Variants in UNG observed in about 807,000 individuals in gnomAD.
UNG encodes the protein uracil-DNA glycosylase.
UNG carries 34 observed loss-of-function variants against 36.5 expected under a neutral mutation model. The observed-to-expected ratio is 0.93, with a 90% CI of 0.71 to 1.24. The LOEUF (loss-of-function observed/expected upper bound fraction) is 1.24, where lower values mean the gene tolerates loss of function less well. Among genes scored for constraint, UNG ranks in the 50% most tolerant of loss-of-function variants. The pLI is 0.00. For missense variants in UNG, 391 were observed against 397.6 expected (o/e 0.98, Z 0.14); for synonymous variants, 172 against 157.8 (o/e 1.09, Z -0.67).
At chr12:109,099,063 G>A in intron 2 of UNG, 126 bp from the exon 3 acceptor site, 1 of 984,942 alleles carries the variant, frequency 1.0e-6, no homozygotes. Context: ...TTTTTTAAAA[G>A]AATTTGGACA....
intron 5 of UNG, 32 bp from the exon 6 acceptor site, chr12:109,103,401 C>G (rs780012359): frequency 4.3e-6 from 7 of 1,610,894 alleles, no homozygotes; most frequent in Non-Finnish European, 5.9e-6. Flanking sequence ...TTGCCTGAGC[C>G]TACATTTAAC....
intron 4 of UNG, 129 bp downstream of exon 4, chr12:109,102,128 C>T: frequency 1.2e-6 from 1 of 820,438 alleles, no homozygotes; most frequent in South Asian, 1.4e-5. Flanking sequence ...GGCCTCAGCA[C>T]CATTGACATT....
At position 109,098,590 on chromosome 12, in the gene UNG, C is replaced by T. The variant is rs3219210; in HGVS notation, c.291C>T (p.Ser97=). Residue 97 remains serine, a synonymous_variant, in exon 2 of 7, where the codon AGC becomes AGT. Transcript: ENST00000242576. ...ACGTGCCCGTGGGCTTTGGAGAGAG[C>T]TGGAAGAAGCACCTCAGCGGGGAGT... ...ARNVPVGFGE[S]WKKHLSGEFG... 1,965 of 1,613,492 alleles carry T rather than the reference C, an allele frequency of 1.2e-3. 30 individuals carry two copies. In the African/African-American group the frequency reaches 0.021, roughly 17 times the overall value.
intron 3 of UNG, 166 bp downstream of exon 3, chr12:109,099,450 T>G (rs921576392): frequency 4.9e-5 from 32 of 657,090 alleles, no homozygotes; most frequent in Non-Finnish European, 7.8e-5. Context: ...CTCTTTTTAA[T>G]GTTTACCACG....
rs1316835916 is a variant in UNG at position 109,097,799 on chromosome 12, C to T, written c.120C>T (p.Ser40=). The part of the protein sequence containing the change: ...GTGVAGVPEE[S]GDAAAIPAKK... ...GCGTGGCTGGGGTGCCTGAGGAAAGCGGAGATGCGGCGGTGAGGCGCGGCT... is the reference window on the plus strand; with the variant it reads ...GCGTGGCTGGGGTGCCTGAGGAAAGTGGAGATGCGGCGGTGAGGCGCGGCT... Residue 40 remains serine (S), a synonymous_variant, in exon 1 of 7, where the codon AGC becomes AGT. Transcript: ENST00000242576. 5.8e-6 allele frequency: 9 copies of T among 1,548,078 alleles called. No individual in the cohort carries two copies. Among genetic ancestry groups the T allele is most frequent in the South Asian group, 3.5e-5 (3 of 84,580 alleles).
rs759015669 is a variant in UNG at position 109,103,631 on chromosome 12, T to C, written c.801+20T>C. The C allele has an allele frequency of 7.5e-7, 1 of 1,330,040 alleles. No homozygotes were observed. Among genetic ancestry groups the C allele is most frequent in the Non-Finnish European group, 1.0e-6 (1 of 964,930 alleles). 82.4% of individuals were successfully genotyped at this position (1,330,040 alleles called of 1,614,324 possible). On this transcript the variant is annotated intron_variant, in intron 6 of 6. Transcript: ENST00000242576. ...GATAGGGTATGTTTTGTTTTCTTTCTTTTTTTTCTTTTTTTTTTAACACTA... is the reference window on the plus strand; with the variant it reads ...GATAGGGTATGTTTTGTTTTCTTTCCTTTTTTTCTTTTTTTTTTAACACTA...
chr12:109,098,094 C>G, intron 1 of UNG: 1 of 1,385,052 alleles, frequency 7.2e-7, no homozygotes, highest in Non-Finnish European at 9.3e-7. Context: ...GGGGGCGGGA[C>G]CCAGAGGGAG....
chr12:109,109,115 T>C (rs3219266), intron 6 of UNG, among the ~76,000 whole-genome samples: 7,721 of 152,240 alleles, frequency 0.051, 676 homozygotes, highest in African/African-American at 0.18. Context: ...TATCTTCAAC[T>C]TAGGATATTT....
intron 6 of UNG, among the ~76,000 whole-genome samples, chr12:109,108,059 A>G (rs2042230829): frequency 6.6e-6 from 1 of 152,184 alleles, no homozygotes; most frequent in South Asian, 2.1e-4. Context: ...TTTGGAGGTC[A>G]TCTCATCAGT....
chr12:109,100,696 C>T (rs535539643), intron 3 of UNG, among the ~76,000 whole-genome samples: 9 of 152,116 alleles, frequency 5.9e-5, no homozygotes, highest in Non-Finnish European at 8.8e-5. Context: ...ATCAGATGGG[C>T]CAGCAGGGCT....
At position 109,102,473 on chromosome 12, in the gene UNG, A is replaced by G. The variant is rs78963063; in HGVS notation, c.534-366A>G. Among the ~76,000 whole-genome samples, 9 of 136,792 alleles carry G rather than the reference A, an allele frequency of 6.6e-5. No homozygotes were observed. The South Asian group carries it at 1.3e-3, about 20-fold the overall frequency. 89.7% of individuals were successfully genotyped at this position (136,792 alleles called of 152,430 possible). A position where few individuals can be genotyped will look rare whatever the true frequency, so the allele number is the denominator to read the frequency against. ...AGCCTGGGTGACACAGCAAGACTGG[A>G]AAAAAAAAAAAAAGAACCACTGCTT... On this transcript the variant is annotated intron_variant, in intron 4 of 6. Transcript: ENST00000242576.
In UNG at chr12:109,102,937, C is replaced by A. The variant is rs201555956; in HGVS notation, c.622+10C>A. The A allele has an allele frequency of 2.7e-6, 4 of 1,494,750 alleles. No individual in the cohort carries two copies. The South Asian group carries it at 3.4e-5, about 13-fold the overall frequency. The allele number at this position is 1,494,750 out of a possible 1,614,324, so 92.6% of individuals were successfully genotyped here. A position where few individuals can be genotyped will look rare whatever the true frequency, so the allele number is the denominator to read the frequency against. ...GGGTGGGCCAAGCAAGGTAAGCCAG[C>A]GACTGCTAGATTTTTTTTTTTTTTT... is the stretch of plus-strand genomic sequence containing the variant. On this transcript the variant is annotated intron_variant, in intron 5 of 6. Coordinates refer to ENST00000242576, the MANE Select transcript of UNG (RefSeq NM_080911.3).
chr12:109,103,203 G>A (rs951176101), intron 5 of UNG, among the ~76,000 whole-genome samples: 7 of 152,046 alleles, frequency 4.6e-5, no homozygotes, highest in African/African-American at 1.2e-4. Flanking sequence ...TGATCCGCCC[G>A]ACTCGGCTTC....
rs1013317831 is a variant in UNG, at chr12:109,098,470, G to T, written c.171G>T (p.Glu57Asp). Residue 57 changes from glutamate to aspartate, a missense_variant, in exon 2 of 7, where the codon GAG becomes GAT. Coordinates refer to ENST00000242576, the MANE Select transcript of UNG (RefSeq NM_080911.3). Reference sequence around the variant, plus strand: ...AGAAGGCCCCGGCTGGGCAGGAGGAGCCTGGGACGCCGCCCTCCTCGCCGC... The same window carrying T: ...AGAAGGCCCCGGCTGGGCAGGAGGATCCTGGGACGCCGCCCTCCTCGCCGC... ...PAKKAPAGQE[E>D]PGTPPSSPLS... 1.9e-6 allele frequency: 3 copies of T among 1,611,936 alleles called. No homozygotes were observed. The highest frequency in any genetic ancestry group is 2.5e-6 in the Non-Finnish European group (3 of 1,179,402).
At chr12:109,106,892 C>CATATATATATACGTGTATAT (rs1593324300) in intron 6 of UNG, among the ~76,000 whole-genome samples, 1 of 8,686 alleles carries the variant, frequency 1.2e-4, no homozygotes, top group African/African-American at 9.6e-4. Context: ...TATATATACA[C>CATATATATATACGTGTATAT]ATATATATAT....
At chr12:109,103,810 G>T (rs918516594) in intron 6 of UNG, among the ~76,000 whole-genome samples, 199 bp downstream of exon 6, 1 of 152,128 alleles carries the variant, frequency 6.6e-6, no homozygotes, top group Non-Finnish European at 1.5e-5. Flanking sequence ...GTGATGAGTT[G>T]TGTATGAGGA....
rs1051616454 is a variant in UNG, at chr12:109,099,243, C to T, written c.394C>T (p.His132Tyr). 6.2e-6 allele frequency: 10 copies of T among 1,614,000 alleles called. No individual in the cohort carries two copies. The highest frequency in any genetic ancestry group is 1.7e-4 in the Middle Eastern group (1 of 6,046). Reference protein sequence around the residue: ...RKHYTVYPPPHQVFTWTQMCD... With the variant: ...RKHYTVYPPPYQVFTWTQMCD... ...GCATTACACTGTTTATCCACCCCCA[C>T]ACCAAGTCTTCACCTGGACCCAGAT... Residue 132 changes from histidine to tyrosine, a missense_variant, in exon 3 of 7, where the codon CAC becomes TAC. Coordinates refer to ENST00000242576, the MANE Select transcript of UNG (RefSeq NM_080911.3).
chr12:109,109,672 A>G (rs978008639), intron 6 of UNG, among the ~76,000 whole-genome samples, 157 bp from the exon 7 acceptor site: 4 of 150,830 alleles, frequency 2.7e-5, no homozygotes, highest in African/African-American at 7.3e-5. Flanking sequence ...AGTCCCAGCT[A>G]CTTGGGAAGC....
chr12:109,109,637 G>T (rs2042244596), intron 6 of UNG, among the ~76,000 whole-genome samples, 192 bp from the exon 7 acceptor site: 1 of 152,072 alleles, frequency 6.6e-6, no homozygotes, highest in East Asian at 1.9e-4. Context: ...ACAAAAATTA[G>T]CTGGGTGTGG....
Sources: gnomAD v4.1 joint callset for allele counts (sites outside exome capture counted in the v4.1 genomes callset) on GRCh38, gnomAD v4.1.1 for gene constraint, MANE v1.5 for transcripts, NCBI Gene and HGNC (gene_info 2026-07-23, HGNC 2026-07-21) for gene names.